Variants in ADGRL2 observed in about 807,000 individuals in gnomAD.
ADGRL2 encodes the protein adhesion G protein-coupled receptor L2, also known as calcium-independent alpha-latrotoxin receptor 2.
ADGRL2 carries 44 observed loss-of-function variants against 157.4 expected under a neutral mutation model. The observed-to-expected ratio is 0.28, with a 90% CI of 0.22 to 0.36. ADGRL2 has a LOEUF of 0.36. ADGRL2 is among the 10% of genes least tolerant of loss of function. ADGRL2 has a pLI of 1.00. For missense variants in ADGRL2, 1,510 were observed against 1,768.9 expected (o/e 0.85, Z 2.63); for synonymous variants, 585 against 624.7 (o/e 0.94, Z 0.95).
At chr1:81,389,034 C>T (rs2076488904) in intron 1 of ADGRL2, among the ~76,000 whole-genome samples, 1 of 152,134 alleles carries the variant, frequency 6.6e-6, no homozygotes, top group African/African-American at 2.4e-5. Context: ...GCAAAGGCAA[C>T]TTAAGCACTA....
intron 1 of ADGRL2, among the ~76,000 whole-genome samples, chr1:81,759,916 G>T (rs2085815093): frequency 1.3e-5 from 2 of 152,042 alleles, no homozygotes; most frequent in African/African-American, 2.4e-5. Flanking sequence ...ATTGACATTT[G>T]AACACTGGAG....
chr1:81,901,237 A>G (rs2094480290), intron 2 of ADGRL2, among the ~76,000 whole-genome samples: 1 of 152,214 alleles, frequency 6.6e-6, no homozygotes, highest in Non-Finnish European at 1.5e-5. Flanking sequence ...GCTATTACAA[A>G]TACGTTCAAA....
At chr1:81,980,796 A>G (rs1339975939) in intron 18 of ADGRL2, 4 of 709,438 alleles carry the variant, frequency 5.6e-6, no homozygotes, top group Non-Finnish European at 1.1e-5. Context: ...CTACACCAGT[A>G]ATTACCGTGT....
intron 1 of ADGRL2, among the ~76,000 whole-genome samples, chr1:81,426,277 T>C (rs1210091748): frequency 6.6e-6 from 1 of 152,146 alleles, no homozygotes; most frequent in African/African-American, 2.4e-5. Flanking sequence ...TATGAGGGTC[T>C]TGTGGCCTAT....
chr1:81,530,148 C>A (rs189775750), intron 2 of ADGRL2, among the ~76,000 whole-genome samples: 78 of 152,198 alleles, frequency 5.1e-4, no homozygotes, highest in Admixed American at 4.8e-3. Context: ...ACAGGCCTAG[C>A]ACCTGGTAGT....
At chr1:81,939,251 G>A (rs2095353078) in intron 4 of ADGRL2, among the ~76,000 whole-genome samples, 1 of 151,484 alleles carries the variant, frequency 6.6e-6, no homozygotes, top group African/African-American at 2.4e-5. Flanking sequence ...TACTTTCCCA[G>A]TTAATATCCA....
At chr1:81,894,041 G>A (rs116123558) in intron 2 of ADGRL2, among the ~76,000 whole-genome samples, 1,741 of 152,280 alleles carry the variant, frequency 0.011, 30 homozygotes, top group African/African-American at 0.04. Context: ...TAGTATCACA[G>A]TTAATAGACT....
chr1:81,467,127 C>G (rs2078073543), intron 2 of ADGRL2, among the ~76,000 whole-genome samples: 1 of 152,024 alleles, frequency 6.6e-6, no homozygotes, highest in Non-Finnish European at 1.5e-5. Flanking sequence ...GAACCTCATC[C>G]CCTTCTGTGA....
At chr1:81,919,183 A>C (rs930629692) in intron 3 of ADGRL2, among the ~76,000 whole-genome samples, 5 of 152,148 alleles carry the variant, frequency 3.3e-5, no homozygotes, top group African/African-American at 1.2e-4. Context: ...ATTAAAAATT[A>C]AACAAATTCA....
At chr1:81,878,482 A>T (rs2093898788) in intron 2 of ADGRL2, among the ~76,000 whole-genome samples, 1 of 152,106 alleles carries the variant, frequency 6.6e-6, no homozygotes, top group Non-Finnish European at 1.5e-5. Flanking sequence ...GCACTGAATC[A>T]ACCTGTTAGT....
intron 3 of ADGRL2, among the ~76,000 whole-genome samples, chr1:81,676,686 T>TAA (rs1557557593): frequency 8.6e-5 from 13 of 151,872 alleles, no homozygotes; most frequent in African/African-American, 3.1e-4. Flanking sequence ...GGATTTATTT[T>TAA]ATTTTATTTT....
intron 3 of ADGRL2, among the ~76,000 whole-genome samples, chr1:81,619,774 A>C (rs189095930): frequency 1.7e-4 from 26 of 151,732 alleles, no homozygotes; most frequent in Non-Finnish European, 2.7e-4. Flanking sequence ...TTTGTTTTGC[A>C]TTTAATCCTC....
chr1:81,496,495 TG>T (rs1184859173), intron 2 of ADGRL2, among the ~76,000 whole-genome samples: 1 of 152,180 alleles, frequency 6.6e-6, no homozygotes, highest in African/African-American at 2.4e-5. Flanking sequence ...TGAAAAGAGA[TG>T]GGTCGTCATC....
At chr1:81,581,778 A>T (rs2080915083) in intron 3 of ADGRL2, among the ~76,000 whole-genome samples, 1 of 152,034 alleles carries the variant, frequency 6.6e-6, no homozygotes. Context: ...GTTTAAACCA[A>T]ATTGCCTACA....
At chr1:81,648,361 A>G (rs2082352381) in intron 3 of ADGRL2, among the ~76,000 whole-genome samples, 1 of 152,216 alleles carries the variant, frequency 6.6e-6, no homozygotes, top group Non-Finnish European at 1.5e-5. Flanking sequence ...TCACAACTCT[A>G]GGCTCAGAGG....
At chr1:81,342,422 A>G (rs924498128) in intron 1 of ADGRL2, among the ~76,000 whole-genome samples, 4 of 152,130 alleles carry the variant, frequency 2.6e-5, no homozygotes, top group African/African-American at 9.7e-5. Context: ...GAAAGAAATC[A>G]ATTGGTCTTG....
chr1:81,880,569 G>A (rs960976100), intron 2 of ADGRL2, among the ~76,000 whole-genome samples: 11 of 152,092 alleles, frequency 7.2e-5, no homozygotes, highest in African/African-American at 2.7e-4. Flanking sequence ...CCAGGTTGCC[G>A]GGTTCTCCCT....
chr1:81,765,493 T>G (rs2086084923), intron 2 of ADGRL2, among the ~76,000 whole-genome samples: 1 of 152,048 alleles, frequency 6.6e-6, no homozygotes, highest in South Asian at 2.1e-4. Context: ...CTATGTAAAC[T>G]AAATTGAAAT....
chr1:81,435,060 T>C (rs2077385438), intron 1 of ADGRL2, among the ~76,000 whole-genome samples: 1 of 152,214 alleles, frequency 6.6e-6, no homozygotes, highest in African/African-American at 2.4e-5. Context: ...TGAATTTTAT[T>C]TTACTTATAC....
Sources: gnomAD v4.1 joint callset for allele counts (sites outside exome capture counted in the v4.1 genomes callset) on GRCh38, gnomAD v4.1.1 for gene constraint, MANE v1.5 for transcripts, NCBI Gene and HGNC (gene_info 2026-07-23, HGNC 2026-07-21) for gene names.